Variants in SPMIP2 observed in about 807,000 individuals in gnomAD.
SPMIP2 encodes the protein sperm microtubule inner protein 2, also known as protein SPMIP2.
the SPMIP2 span, among the ~76,000 whole-genome samples, chr4:158,977,545 C>T: frequency 4.4e-5 from 6 of 137,144 alleles, no homozygotes; most frequent in Admixed American, 1.5e-4. Flanking sequence ...AAAAAATCAG[C>T]TCCTGGATTC....
chr4:159,062,953 A>G, the SPMIP2 span, among the ~76,000 whole-genome samples: 4 of 150,332 alleles, frequency 2.7e-5, no homozygotes, highest in African/African-American at 9.8e-5. Flanking sequence ...TCAGCCTTCC[A>G]AAGAGCCGGG....
chr4:158,926,804 G>T, the SPMIP2 span, among the ~76,000 whole-genome samples: 1 of 152,060 alleles, frequency 6.6e-6, no homozygotes, highest in Non-Finnish European at 1.5e-5. Context: ...GCTAAACAAT[G>T]AATACACATG....
the SPMIP2 span, among the ~76,000 whole-genome samples, chr4:159,077,307 T>TGG: frequency 1.2e-3 from 175 of 152,000 alleles, no homozygotes; most frequent in African/African-American, 4.1e-3. Flanking sequence ...CCACCACGCC[T>TGG]GGCTAATTTT....
chr4:158,962,428 C>T, the SPMIP2 span, among the ~76,000 whole-genome samples: 401 of 152,210 alleles, frequency 2.6e-3, no homozygotes, highest in African/African-American at 9.3e-3. Flanking sequence ...ACCCATAGAA[C>T]GAATACAATG....
chr4:158,959,344 T>A, the SPMIP2 span, among the ~76,000 whole-genome samples: 1 of 152,220 alleles, frequency 6.6e-6, no homozygotes, highest in African/African-American at 2.4e-5. Flanking sequence ...AATATTTTAA[T>A]GAGAATATGT....
the SPMIP2 span, among the ~76,000 whole-genome samples, chr4:158,894,819 G>C: frequency 6.6e-6 from 1 of 152,098 alleles, no homozygotes; most frequent in Non-Finnish European, 1.5e-5. Flanking sequence ...ATGTATTTAA[G>C]ATTTTAAACC....
the SPMIP2 span, among the ~76,000 whole-genome samples, chr4:159,061,846 G>C: frequency 6.6e-6 from 1 of 151,020 alleles, no homozygotes; most frequent in Non-Finnish European, 1.5e-5. Context: ...AGCTGAAACA[G>C]CAGGAGCACC....
the SPMIP2 span, among the ~76,000 whole-genome samples, chr4:158,926,257 T>G: frequency 6.7e-6 from 1 of 148,572 alleles, no homozygotes; most frequent in Non-Finnish European, 1.5e-5. Flanking sequence ...CACTTTCCAG[T>G]TTTTTTTTTA....
the SPMIP2 span, among the ~76,000 whole-genome samples, chr4:159,022,287 C>T: frequency 1.3e-5 from 2 of 152,150 alleles, no homozygotes; most frequent in African/African-American, 2.4e-5. Context: ...TCACCAGTGC[C>T]GTCATTCACT....
At chr4:159,063,331 G>A in the SPMIP2 span, among the ~76,000 whole-genome samples, 24 of 152,290 alleles carry the variant, frequency 1.6e-4, no homozygotes, top group South Asian at 4.8e-3. Context: ...GACCGAGACA[G>A]GAGGATCACT....
the SPMIP2 span, among the ~76,000 whole-genome samples, chr4:158,953,691 G>A: frequency 6.6e-6 from 1 of 152,210 alleles, no homozygotes; most frequent in Admixed American, 6.5e-5. Flanking sequence ...GCAGCTGGGA[G>A]GGAGACTGTA....
the SPMIP2 span, among the ~76,000 whole-genome samples, chr4:159,055,569 G>T: frequency 6.6e-6 from 1 of 152,092 alleles, no homozygotes; most frequent in Admixed American, 6.6e-5. Context: ...AATTAGCTGG[G>T]CGTGGTGGTG....
the SPMIP2 span, among the ~76,000 whole-genome samples, chr4:159,033,654 GT>G: frequency 4.9e-4 from 74 of 152,296 alleles, no homozygotes; most frequent in African/African-American, 1.5e-3. Flanking sequence ...GTGTACTCTT[GT>G]TGACAAAGTC....
the SPMIP2 span, among the ~76,000 whole-genome samples, chr4:158,927,065 C>T: frequency 6.6e-6 from 1 of 152,176 alleles, no homozygotes; most frequent in African/African-American, 2.4e-5. Context: ...GTTGAATTGT[C>T]TATTTCCTCC....
the SPMIP2 span, among the ~76,000 whole-genome samples, chr4:158,900,788 G>T: frequency 6.6e-6 from 1 of 152,064 alleles, no homozygotes. Context: ...TCTTTATCCA[G>T]TTTGCCAGTC....
the SPMIP2 span, chr4:158,893,164 G>T: frequency 6.6e-6 from 1 of 152,498 alleles, no homozygotes; most frequent in Non-Finnish European, 1.5e-5. Context: ...GTTCAACAAG[G>T]GTGCTGTGAG....
At chr4:159,030,463 TTTTATTTA>T in the SPMIP2 span, among the ~76,000 whole-genome samples, 71,637 of 142,030 alleles carry the variant, frequency 0.5, 18,456 homozygotes, top group East Asian at 0.81. Context: ...GAAAGCAAAA[TTTTATTTA>T]TTTATTTATT....
At chr4:159,043,590 G>A in the SPMIP2 span, among the ~76,000 whole-genome samples, 15 of 152,018 alleles carry the variant, frequency 9.9e-5, no homozygotes, top group African/African-American at 3.1e-4. Flanking sequence ...CTCATGATCC[G>A]CCCGCCTCGG....
chr4:159,026,422 G>T, the SPMIP2 span: 2 of 983,322 alleles, frequency 2.0e-6, no homozygotes, highest in East Asian at 2.8e-5. Context: ...GGAGTGGGAT[G>T]GGAAGAAAAG....
Sources: gnomAD v4.1 joint callset for allele counts (sites outside exome capture counted in the v4.1 genomes callset) on GRCh38, gnomAD v4.1.1 for gene constraint, MANE v1.5 for transcripts, NCBI Gene and HGNC (gene_info 2026-07-23, HGNC 2026-07-21) for gene names.